MINK1: variants seen among roughly 807,000 people sequenced by gnomAD.
The protein encoded by MINK1 is misshapen-like kinase 1.
MINK1 carries 46 observed loss-of-function variants against 178.4 expected under a neutral mutation model. The observed-to-expected ratio is 0.26, with a 90% confidence interval of 0.20 to 0.33. MINK1 has a LOEUF of 0.33. MINK1 is among the 10% of genes least tolerant of loss of function. The probability of loss-of-function intolerance (pLI) is 1.00; values close to 1 mark genes in which losing one functional copy is unlikely to be tolerated. For missense variants in MINK1, 1,366 were observed against 1,814.9 expected, an observed-to-expected ratio of 0.75 and a Z score of 4.49; for synonymous variants, 797 against 709.7, an observed-to-expected ratio of 1.12 and a Z score of -1.96.
chr17:4,868,668 G>T (rs1043167612), intron 1 of MINK1, among the ~76,000 whole-genome samples: 1 of 152,140 alleles, frequency 6.6e-6, no homozygotes, highest in African/African-American at 2.4e-5. Context: ...TTAGGTTAAC[G>T]CTATATCTTG....
In MINK1 at chr17:4,893,018, G is replaced by C. The variant is rs764102499; in HGVS notation, c.2351G>C (p.Gly784Ala). 59 of 1,580,598 alleles carry C rather than the reference G, an allele frequency of 3.7e-5. No individual in the cohort carries two copies. Among genetic ancestry groups the C allele is most frequent in the Non-Finnish European group, 5.0e-5 (58 of 1,164,940 alleles). Reference protein sequence around the residue: ...KPDSSPVLSPGNKAKPDDHRS... With the variant: ...KPDSSPVLSPANKAKPDDHRS... ...GACAGCTCCCCTGTGCTCTCCCCTGGGAATAAAGCCAAGCCCGACGACCAC... is the reference window on the plus strand; with the variant it reads ...GACAGCTCCCCTGTGCTCTCCCCTGCGAATAAAGCCAAGCCCGACGACCAC... Residue 784 changes from glycine to alanine, a missense_variant, in exon 20 of 32, where the codon GGG becomes GCG. Gly to Ala is a moderately conservative substitution (Grantham distance 60). Coordinates refer to ENST00000355280, the MANE Select transcript of MINK1 (RefSeq NM_153827.5).
intron 12 of MINK1, among the ~76,000 whole-genome samples, chr17:4,888,757 G>A (rs1368782962): frequency 1.4e-5 from 2 of 142,064 alleles, no homozygotes; most frequent in South Asian, 2.3e-4. Flanking sequence ...GTGCAGTGGC[G>A]CACTCTAGGC....
Position 4,887,251 on chromosome 17 carries a change from T to C in MINK1, c.1019+72T>C. ...GGGGGGACTACAGTGGTGCTTGGCT[T>C]TGGGGACTCTCAGCCTGGGGGTGGT... On this transcript the variant is annotated intron_variant, in intron 11 of 31. Coordinates refer to ENST00000355280, the MANE Select transcript of MINK1 (RefSeq NM_153827.5). This position sits in a 1 kb window ranked among gnomAD's most constrained non-coding sequence, Gnocchi z 7.6. 6.9e-7 allele frequency: 1 copy of C among 1,452,578 alleles called. No individual in the cohort carries two copies. The highest frequency in any genetic ancestry group is 9.4e-7 in the Non-Finnish European group (1 of 1,058,692). The allele number at this position is 1,452,578 out of a possible 1,614,324, so 90.0% of individuals were successfully genotyped here.
intron 2 of MINK1, 84 bp from the exon 3 acceptor site, chr17:4,880,899 CA>C (rs556357863): frequency 0.012 from 12,549 of 1,060,032 alleles, no homozygotes; most frequent in South Asian, 0.023. Context: ...GACCCTGTCT[CA>C]AAAAAAAAAG....
In MINK1 at chr17:4,896,125, A is replaced by C. The variant is rs759449514; in HGVS notation, c.3465+22A>C. ...CAAGGTAATCCCAGCCTCGGTCCCT[A>C]ACACCATCTGGAGTCCCAGCGCCTC... On this transcript the variant is annotated intron_variant, in intron 28 of 31. Coordinates refer to ENST00000355280, the MANE Select transcript of MINK1 (RefSeq NM_153827.5). This position sits in a 1 kb window ranked among gnomAD's most constrained non-coding sequence, Gnocchi z 4.6. 1.2e-6 allele frequency: 2 copies of C among 1,606,818 alleles called. No homozygotes were observed. The highest frequency in any genetic ancestry group is 2.2e-5 in the South Asian group (2 of 90,076).
At chr17:4,875,473 C>G (rs1391152347) in intron 1 of MINK1, 1 of 453,498 alleles carries the variant, frequency 2.2e-6, no homozygotes, top group Non-Finnish European at 4.4e-6. Flanking sequence ...AGATCTGACT[C>G]TAAAAAAACA....
At chr17:4,868,791 GT>G in intron 1 of MINK1, 1 of 306,444 alleles carries the variant, frequency 3.3e-6, no homozygotes, top group Admixed American at 3.9e-5. Flanking sequence ...TGTTGCCCAG[GT>G]TGGAGCGCAG....
Position 4,893,700 on chromosome 17 carries a change from G to A in MINK1, c.2564+103G>A, listed in dbSNP as rs189933150. ...CTTTGGGGCAAGTCTGAGGGAGAGC[G>A]GCTCCCTTCTCTAGAGAGTGGGGTG... On this transcript the variant is annotated intron_variant, in intron 21 of 31. Coordinates refer to ENST00000355280, the MANE Select transcript of MINK1 (RefSeq NM_153827.5). 1.6e-3 allele frequency: 2,205 copies of A among 1,400,764 alleles called. 5 individuals are homozygous for A. The highest frequency in any genetic ancestry group is 1.5e-3 in the Non-Finnish European group (1,583 of 1,056,138). 86.8% of individuals were successfully genotyped at this position (1,400,764 alleles called of 1,614,324 possible).
Position 4,886,235 on chromosome 17 carries a change from T to G in MINK1, c.773+37T>G, listed in dbSNP as rs1567606824. ...AGAGTGTGGGCTCTGGGAAGGAAGG[T>G]CCCTGGACAAGGCCATCCCCACCTT... On this transcript the variant is annotated intron_variant, in intron 9 of 31. Transcript: ENST00000355280. This position sits in a 1 kb window ranked among gnomAD's most constrained non-coding sequence, Gnocchi z 6.1. 1 of 1,605,504 alleles carries G rather than the reference T, an allele frequency of 6.2e-7. No homozygotes were observed. Among genetic ancestry groups the G allele is most frequent in the East Asian group, 2.2e-5 (1 of 44,838 alleles).
intron 13 of MINK1, 84 bp downstream of exon 13, chr17:4,889,847 TC>T: frequency 1.1e-6 from 1 of 898,776 alleles, no homozygotes; most frequent in Non-Finnish European, 1.6e-6. Context: ...CCTTCCCCCT[TC>T]TCTCCCCCAC....
Position 4,885,106 on chromosome 17 carries a change from C to T in MINK1, c.508+104C>T, listed in dbSNP as rs1400725657. 5 of 1,039,400 alleles carry T rather than the reference C, an allele frequency of 4.8e-6. No homozygotes were observed. The African/African-American group carries it at 8.0e-5, about 17-fold the overall frequency. 64.4% of individuals were successfully genotyped at this position (1,039,400 alleles called of 1,614,324 possible). A position where few individuals can be genotyped will look rare whatever the true frequency, so the allele number is the denominator to read the frequency against. Reference sequence around the variant, plus strand: ...TGGCTCAGGCCCAACTCCCTTCCTACTGGGGAGGCTCACTCCCTCCCCTTT... The same window carrying T: ...TGGCTCAGGCCCAACTCCCTTCCTATTGGGGAGGCTCACTCCCTCCCCTTT... On this transcript the variant is annotated intron_variant, in intron 6 of 31. Coordinates refer to ENST00000355280, the MANE Select transcript of MINK1 (RefSeq NM_153827.5). This position sits in a 1 kb window ranked among gnomAD's most constrained non-coding sequence, Gnocchi z 5.0.
At chr17:4,863,225 C>T (rs1490365868) in intron 1 of MINK1, among the ~76,000 whole-genome samples, 1 of 152,176 alleles carries the variant, frequency 6.6e-6, no homozygotes, top group African/African-American at 2.4e-5. Flanking sequence ...TGGTCACTCT[C>T]CCGCTTCTGT....
intron 1 of MINK1, among the ~76,000 whole-genome samples, chr17:4,841,835 G>C (rs1006945862): frequency 6.6e-6 from 1 of 151,994 alleles, no homozygotes; most frequent in African/African-American, 2.4e-5. Flanking sequence ...GGCACGGTGG[G>C]ATACAAAGCA....
intron 2 of MINK1, 118 bp downstream of exon 2, chr17:4,878,500 C>G: frequency 2.2e-6 from 2 of 912,898 alleles, no homozygotes; most frequent in Non-Finnish European, 3.3e-6. Flanking sequence ...ATGCTAGAGT[C>G]TAGGGCCCTG....
rs540077868 is a variant in MINK1, at chr17:4,859,364, T to A, written c.58-18953T>A. ...CTTTTCCTAACCTACCTGCTTCCCC[T>A]GCAGTTTCCTCACAATCTTACTCTT... On this transcript the variant is annotated intron_variant, in intron 1 of 31. Transcript: ENST00000355280. 9.9e-6 allele frequency: 9 copies of A among 910,440 alleles called. No homozygotes were observed. The South Asian group carries it at 4.0e-4, about 41-fold the overall frequency. 56.4% of individuals were successfully genotyped at this position (910,440 alleles called of 1,614,324 possible). A position where few individuals can be genotyped will look rare whatever the true frequency, so the allele number is the denominator to read the frequency against.
rs548398352 is a variant in MINK1 at position 4,865,414 on chromosome 17, A to G, written c.58-12903A>G. 5.7e-4 allele frequency among the ~76,000 whole-genome samples: 87 copies of G among 152,194 alleles called. 1 individual carries two copies. Among genetic ancestry groups the G allele is most frequent in the Non-Finnish European group, 1.1e-3 (74 of 68,016 alleles). ...GCGCCATTGCACTCCAGCCTGGGCAACAGGGTGAGACACTGTCTCAAAAAA... is the reference window on the plus strand; with the variant it reads ...GCGCCATTGCACTCCAGCCTGGGCAGCAGGGTGAGACACTGTCTCAAAAAA... On this transcript the variant is annotated intron_variant, in intron 1 of 31. Transcript: ENST00000355280.
At chr17:4,889,458 G>A (rs902069432) in intron 12 of MINK1, among the ~76,000 whole-genome samples, 189 bp from the exon 13 acceptor site, 1 of 152,094 alleles carries the variant, frequency 6.6e-6, no homozygotes, top group Non-Finnish European at 1.5e-5. Context: ...CACAGCTACC[G>A]GCTGTTTACC....
chr17:4,893,515 G>A lies in MINK1; in HGVS notation c.2482G>A (p.Glu828Lys), dbSNP rs1486725022. ...GGCCATGGACTACTCGTCGTCCAGCGAGGAGGTGGAAAGCAGTGAGGACGA... is the reference window on the plus strand; with the variant it reads ...GGCCATGGACTACTCGTCGTCCAGCAAGGAGGTGGAAAGCAGTGAGGACGA... ...KKAMDYSSSSEEVESSEDDEE... is the reference protein window; with the variant it reads ...KKAMDYSSSSKEVESSEDDEE... Residue 828 changes from glutamate (E) to lysine (K), a missense_variant, in exon 21 of 32, where the codon GAG becomes AAG. By Grantham distance (56) the Glu-to-Lys change is moderately conservative. Transcript: ENST00000355280. The A allele has an allele frequency of 6.2e-7, 1 of 1,600,616 alleles. No individual in the cohort carries two copies. Among genetic ancestry groups the A allele is most frequent in the South Asian group, 1.1e-5 (1 of 90,616 alleles).
chr17:4,858,545 C>T (rs375970986), intron 1 of MINK1, among the ~76,000 whole-genome samples: 9 of 150,154 alleles, frequency 6.0e-5, no homozygotes, highest in African/African-American at 2.0e-4. Context: ...GGTGCAGTCT[C>T]GGCTCACTGC....
Sources: allele counts gnomAD v4.1 joint callset (sites outside exome capture counted in the v4.1 genomes callset), GRCh38; gene constraint gnomAD v4.1.1; non-coding constraint Gnocchi (gnomAD v3.1); transcripts MANE v1.5; gene names NCBI Gene and HGNC (gene_info 2026-07-23, HGNC 2026-07-21).